Variants in SIDT1 observed in about 807,000 individuals in gnomAD.
The protein encoded by SIDT1 is SID1 transmembrane family, member 1.
SIDT1 carries 101 observed loss-of-function variants against 107.5 expected under a neutral mutation model. That is an observed-to-expected ratio of 0.94 (90% CI 0.80 to 1.11). The LOEUF (loss-of-function observed/expected upper bound fraction) is 1.11. Among genes scored for constraint, SIDT1 ranks in the 50% least tolerant of loss-of-function variants. The pLI is 0.00. For missense variants in SIDT1, 1,076 were observed against 1,058.2 expected (o/e 1.02, Z -0.23); for synonymous variants, 395 against 398.2 (o/e 0.99, Z 0.10).
chr3:113,604,713 G>C (rs1447726645), intron 13 of SIDT1, among the ~76,000 whole-genome samples, 197 bp from the exon 14 acceptor site: 1 of 152,132 alleles, frequency 6.6e-6, no homozygotes, highest in Non-Finnish European at 1.5e-5. Flanking sequence ...CTTTAGACAA[G>C]ATACTGTGTA....
chr3:113,554,654 A>T (rs915853094), intron 1 of SIDT1, among the ~76,000 whole-genome samples: 1 of 152,126 alleles, frequency 6.6e-6, no homozygotes, highest in East Asian at 1.9e-4. Context: ...TAAATTACCC[A>T]GTCTTGGGTA....
chr3:113,617,867 C>A (rs533194618), intron 20 of SIDT1, among the ~76,000 whole-genome samples: 26 of 152,302 alleles, frequency 1.7e-4, no homozygotes, highest in Admixed American at 3.3e-4. Context: ...CAGCCTCCCC[C>A]ACTATTGACA....
At position 113,604,906 on chromosome 3, in the gene SIDT1, A is replaced by G. The variant is rs1945211119; in HGVS notation, c.1338-4A>G. On this transcript the variant is annotated splice_region_variant and splice_polypyrimidine_tract_variant and intron_variant, in intron 13 of 24. Coordinates refer to ENST00000264852, the MANE Select transcript of SIDT1 (RefSeq NM_017699.3). ...AGCATTTCTGGTTCTTTCTGCCTGC[A>G]TAGGAACATCATCACCATTGCTGTG... The G allele has an allele frequency of 6.2e-7, 1 of 1,614,110 alleles. No individual in the cohort carries two copies. Among genetic ancestry groups the G allele is most frequent in the South Asian group, 1.1e-5 (1 of 91,082 alleles).
At chr3:113,601,171 A>G (rs894806253) in intron 10 of SIDT1, among the ~76,000 whole-genome samples, 4 of 152,236 alleles carry the variant, frequency 2.6e-5, no homozygotes, top group African/African-American at 7.2e-5. Context: ...TATGGGGGAA[A>G]TTAATGGACA....
At chr3:113,604,158 C>G in intron 13 of SIDT1, 125 bp downstream of exon 13, 1 of 619,572 alleles carries the variant, frequency 1.6e-6, no homozygotes, top group Non-Finnish European at 2.7e-6. Context: ...AATGATGTTA[C>G]CAGCCAACTA....
At chr3:113,567,733 A>C (rs1180067197) in intron 3 of SIDT1, 23 bp downstream of exon 3, 1 of 1,609,638 alleles carries the variant, frequency 6.2e-7, no homozygotes, top group African/African-American at 1.3e-5. Flanking sequence ...TTCTCTGTTT[A>C]CCTGTCTGTG....
chr3:113,592,919 A>G (rs1418922851), intron 9 of SIDT1, 86 bp from the exon 10 acceptor site: 2 of 1,101,062 alleles, frequency 1.8e-6, no homozygotes, highest in Non-Finnish European at 2.8e-6. Context: ...CCTAGTAGAC[A>G]AATCCGCAAC....
chr3:113,611,705 A>G (rs1490883699), intron 18 of SIDT1, among the ~76,000 whole-genome samples: 2 of 152,224 alleles, frequency 1.3e-5, no homozygotes, highest in African/African-American at 2.4e-5. Flanking sequence ...GACTCATGTG[A>G]AAGTGGAATA....
At chr3:113,536,217 C>T (rs1938141345) in intron 1 of SIDT1, among the ~76,000 whole-genome samples, 1 of 152,154 alleles carries the variant, frequency 6.6e-6, no homozygotes, top group Non-Finnish European at 1.5e-5. Flanking sequence ...ATTTTTGTTA[C>T]TCTCCCATGT....
At position 113,627,982 on chromosome 3, in the gene SIDT1, A is replaced by G; in HGVS notation, c.*274A>G. 1 of 455,906 alleles carries G rather than the reference A, an allele frequency of 2.2e-6. No homozygotes were observed. The highest frequency in any genetic ancestry group is 2.7e-5 in the South Asian group (1 of 37,060). 28.2% of individuals were successfully genotyped at this position (455,906 alleles called of 1,614,324 possible). On this transcript the variant is annotated 3_prime_UTR_variant, in exon 25 of 25. Transcript: ENST00000264852. ...GCAGCTTTGGGAGTGCAACAGGGAT[A>G]GGCACTGCATCCAAGTCAACTCACC...
rs901271902 is a variant in SIDT1 at position 113,547,624 on chromosome 3, G to A, written c.222+14381G>A. Reference sequence around the variant, plus strand: ...CAAGAAGAGTGAAGTTGGTTTAAAGGTATCTTATATTGAAAAGTGTGTCCA... The same window carrying A: ...CAAGAAGAGTGAAGTTGGTTTAAAGATATCTTATATTGAAAAGTGTGTCCA... On this transcript the variant is annotated intron_variant, in intron 1 of 24. Transcript: ENST00000264852. Among the ~76,000 whole-genome samples the A allele has an allele frequency of 5.3e-5, 8 of 152,040 alleles. No homozygotes were observed. The East Asian group carries it at 1.5e-3, about 29-fold the overall frequency.
intron 3 of SIDT1, among the ~76,000 whole-genome samples, chr3:113,568,951 T>C (rs1417512287): frequency 6.6e-6 from 1 of 151,380 alleles, no homozygotes; most frequent in African/African-American, 2.4e-5. Context: ...CTGACCAACA[T>C]GGTGAAACCC....
At chr3:113,540,961 T>C (rs1938764978) in intron 1 of SIDT1, among the ~76,000 whole-genome samples, 1 of 152,158 alleles carries the variant, frequency 6.6e-6, no homozygotes, top group African/African-American at 2.4e-5. Flanking sequence ...AATAACTAGT[T>C]AATACCCTTA....
intron 17 of SIDT1, among the ~76,000 whole-genome samples, chr3:113,610,630 G>A (rs1201217490): frequency 4.6e-5 from 7 of 152,198 alleles, no homozygotes. Context: ...TGGTCACACT[G>A]CCTACATTAT....
At chr3:113,599,106 G>A (rs1369049253) in intron 10 of SIDT1, among the ~76,000 whole-genome samples, 2 of 152,188 alleles carry the variant, frequency 1.3e-5, no homozygotes, top group East Asian at 3.8e-4. Context: ...TCCAGTCTGG[G>A]CAACAGAGTG....
chr3:113,634,267 T>C (rs1422218395), downstream of SIDT1, among the ~76,000 whole-genome samples: 2 of 152,332 alleles, frequency 1.3e-5, no homozygotes, highest in East Asian at 3.9e-4. Context: ...GTCTGCCCTC[T>C]TAGTGAGATC....
At chr3:113,580,515 C>T (rs1560067808) in intron 4 of SIDT1, 93 bp from the exon 5 acceptor site, 8 of 699,998 alleles carry the variant, frequency 1.1e-5, no homozygotes, top group South Asian at 4.9e-5. Flanking sequence ...TGGAGATTCA[C>T]GGAGATTTAC....
chr3:113,550,188 GT>G (rs1200314822), intron 1 of SIDT1, among the ~76,000 whole-genome samples: 1 of 152,050 alleles, frequency 6.6e-6, no homozygotes, highest in African/African-American at 2.4e-5. Context: ...ATGTATCTGT[GT>G]CTCTCTGCTT....
In SIDT1 at chr3:113,576,862, C is replaced by T. The variant is rs377482064; in HGVS notation, c.516-60C>T. 75 of 1,533,034 alleles carry T rather than the reference C, an allele frequency of 4.9e-5. 1 individual carries two copies. In the Middle Eastern group the frequency reaches 1.4e-3, roughly 28 times the overall value. 95.0% of individuals were successfully genotyped at this position (1,533,034 alleles called of 1,614,324 possible). A position where few individuals can be genotyped will look rare whatever the true frequency, so the allele number is the denominator to read the frequency against. ...TTCTTTTAAATAAATAATTTTTGCT[C>T]ACTAACTTATGCTTTTCTCTCACTT... On this transcript the variant is annotated intron_variant, in intron 3 of 24. Transcript: ENST00000264852.
Sources: allele counts gnomAD v4.1 joint callset (sites outside exome capture counted in the v4.1 genomes callset), GRCh38; gene constraint gnomAD v4.1.1; transcripts MANE v1.5; gene names NCBI Gene and HGNC (gene_info 2026-07-23, HGNC 2026-07-21).